ZNF562: variants seen among roughly 807,000 people sequenced by gnomAD.
ZNF562 encodes zinc finger protein 562.
ZNF562 carries 13 observed loss-of-function variants against 17.5 expected under a neutral mutation model. That is an observed-to-expected ratio of 0.74 (90% CI 0.48 to 1.18). The LOEUF (loss-of-function observed/expected upper bound fraction) is 1.18. Among genes scored for constraint, ZNF562 ranks in the 50% most tolerant of loss-of-function variants. ZNF562 has a pLI of 0.00. For synonymous variants in ZNF562, 163 were observed against 165.4 expected (o/e 0.99, Z 0.11); for missense variants, 481 against 498.5 (o/e 0.96, Z 0.33).
At chr19:9,665,978 C>T (rs1202831679) in intron 1 of ZNF562, among the ~76,000 whole-genome samples, 1 of 150,510 alleles carries the variant, frequency 6.6e-6, no homozygotes, top group Non-Finnish European at 1.5e-5. Context: ...CACTGCACTC[C>T]AGGCTAGGTG....
chr19:9,671,835 G>A (rs1599329177), intron 1 of ZNF562, among the ~76,000 whole-genome samples: 1 of 152,338 alleles, frequency 6.6e-6, no homozygotes, highest in East Asian at 1.9e-4. Flanking sequence ...TTGAGAAACA[G>A]GTTGTGGTTT....
Position 9,652,912 on chromosome 19 carries a change from T to A in ZNF562, c.*37A>T, listed in dbSNP as rs764916217. ...CTCTGGTAGGAGTTCACAGGTGGGG[T>A]GAGGAATACAGAAATTCTTTCCCAC... On this transcript the variant is annotated 3_prime_UTR_variant, in exon 6 of 6. Coordinates refer to ENST00000453372, the MANE Select transcript of ZNF562 (RefSeq NM_001130031.2). The A allele has an allele frequency of 6.8e-7, 1 of 1,465,750 alleles. No homozygotes were observed. The highest frequency in any genetic ancestry group is 1.6e-5 in the South Asian group (1 of 61,288). The allele number at this position is 1,465,750 out of a possible 1,614,324, so 90.8% of individuals were successfully genotyped here.
At chr19:9,669,768 ACACACAC>A (rs1568282213) in intron 1 of ZNF562, among the ~76,000 whole-genome samples, 2 of 151,306 alleles carry the variant, frequency 1.3e-5, no homozygotes, top group Non-Finnish European at 3.0e-5. Flanking sequence ...ACACACACAC[ACACACAC>A]AACCAGTCAG....
chr19:9,662,082 A>C (rs2043769869), intron 1 of ZNF562, among the ~76,000 whole-genome samples: 1 of 152,030 alleles, frequency 6.6e-6, no homozygotes, highest in Admixed American at 6.6e-5. Context: ...ATTAATACTG[A>C]AAAAAACCTA....
intron 1 of ZNF562, among the ~76,000 whole-genome samples, chr19:9,672,522 C>A (rs1255403911): frequency 6.6e-6 from 1 of 151,964 alleles, no homozygotes; most frequent in African/African-American, 2.4e-5. Flanking sequence ...TCCTTAGGAT[C>A]AAATTTTTCA....
rs2074791138 is a variant in ZNF562 at position 9,644,109 on chromosome 19, G to A, written c.*8840C>T. 6.6e-6 allele frequency: 1 copy of A among 151,784 alleles called. No homozygotes were observed. The highest frequency in any genetic ancestry group is 2.4e-5 in the African/African-American group (1 of 41,352). The allele number at this position is 151,784 out of a possible 1,614,324, so 9.4% of individuals were successfully genotyped here. On this transcript the variant is annotated 3_prime_UTR_variant, in exon 6 of 6. Transcript: ENST00000453372. ...CGTACCTGGCTTACTTAGTGAATTT[G>A]TACCAATATTCATTACCAATATAAT...
At chr19:9,672,777 CTTTTT>C (rs869261585) in intron 1 of ZNF562, among the ~76,000 whole-genome samples, 3 of 112,236 alleles carry the variant, frequency 2.7e-5, no homozygotes, top group Non-Finnish European at 5.5e-5. Context: ...TATTGCCTTT[CTTTTT>C]TTTTTTTTTT....
intron 1 of ZNF562, among the ~76,000 whole-genome samples, chr19:9,662,878 A>C (rs549644907): frequency 2.6e-4 from 40 of 151,344 alleles, no homozygotes; most frequent in Non-Finnish European, 5.5e-4. Flanking sequence ...AACCTTAGCC[A>C]CTCATGGATG....
Position 9,651,111 on chromosome 19 carries a change from TAAAAAC to T in ZNF562, c.*1832_*1837del, listed in dbSNP as rs1430074150. The stretch of plus-strand genomic sequence containing the variant: ...GTACTGAGAAGTGAGGTACTGCAAT[TAAAAAC>T]AAACAAAAAAACTAAAAATGTGAAG... On this transcript the variant is annotated 3_prime_UTR_variant, in exon 6 of 6. Transcript: ENST00000453372. 1 of 151,952 alleles carries T rather than the reference TAAAAAC, an allele frequency of 6.6e-6. No homozygotes were observed. Among genetic ancestry groups the T allele is most frequent in the Non-Finnish European group, 1.5e-5 (1 of 67,982 alleles). The allele number at this position is 151,952 out of a possible 1,614,324, so 9.4% of individuals were successfully genotyped here. A position where few individuals can be genotyped will look rare whatever the true frequency, so the allele number is the denominator to read the frequency against.
rs1396961391 is a variant in ZNF562 at position 9,650,202 on chromosome 19, C to G, written c.*2747G>C. 4 of 151,866 alleles carry G rather than the reference C, an allele frequency of 2.6e-5. No homozygotes were observed. Among genetic ancestry groups the G allele is most frequent in the African/African-American group, 9.7e-5 (4 of 41,316 alleles). The allele number at this position is 151,866 out of a possible 1,614,324, so 9.4% of individuals were successfully genotyped here. A position where few individuals can be genotyped will look rare whatever the true frequency, so the allele number is the denominator to read the frequency against. On this transcript the variant is annotated 3_prime_UTR_variant, in exon 6 of 6. Transcript: ENST00000453372. Reference sequence around the variant, plus strand: ...TGTTGTGCAGCGGGTTAAAATCAGTCCAGTAAAGCAAGAAAATATTTAGAG... The same window carrying G: ...TGTTGTGCAGCGGGTTAAAATCAGTGCAGTAAAGCAAGAAAATATTTAGAG...
At position 9,647,693 on chromosome 19, in the gene ZNF562, A is replaced by T. The variant is rs2074818032; in HGVS notation, c.*5256T>A. 6.6e-6 allele frequency: 1 copy of T among 152,150 alleles called. No individual in the cohort carries two copies. The highest frequency in any genetic ancestry group is 2.4e-5 in the African/African-American group (1 of 41,440). The allele number at this position is 152,150 out of a possible 1,614,324, so 9.4% of individuals were successfully genotyped here. On this transcript the variant is annotated 3_prime_UTR_variant, in exon 6 of 6. Transcript: ENST00000453372. ...CTTGATGAAACCGTCTCTACTAAAA[A>T]TACAAAAATCAGCCAGGCAAGGTGG... is the stretch of plus-strand genomic sequence containing the variant.
chr19:9,657,236 T>A (rs1409816578), intron 4 of ZNF562, among the ~76,000 whole-genome samples: 1 of 150,926 alleles, frequency 6.6e-6, no homozygotes, highest in Non-Finnish European at 1.5e-5. Flanking sequence ...AAGATCAGGA[T>A]AAAGAGCATA....
chr19:9,658,597 A>C (rs1225937040), intron 3 of ZNF562, among the ~76,000 whole-genome samples: 1 of 152,098 alleles, frequency 6.6e-6, no homozygotes, highest in Non-Finnish European at 1.5e-5. Flanking sequence ...TGATCGGCCC[A>C]CCTCAGCCTC....
intron 1 of ZNF562, among the ~76,000 whole-genome samples, chr19:9,671,737 G>A (rs558547968): frequency 2.0e-4 from 30 of 152,304 alleles, no homozygotes; most frequent in Admixed American, 4.6e-4. Context: ...GGAAGCCTCC[G>A]GCATGCACCA....
At chr19:9,659,728 G>A (rs2043649816) in intron 2 of ZNF562, among the ~76,000 whole-genome samples, 1 of 151,632 alleles carries the variant, frequency 6.6e-6, no homozygotes, top group Admixed American at 6.6e-5. Flanking sequence ...GTGACTATCT[G>A]CCCATAGTAG....
intron 1 of ZNF562, among the ~76,000 whole-genome samples, chr19:9,665,653 C>A (rs781337480): frequency 1.3e-5 from 2 of 152,182 alleles, no homozygotes; most frequent in Admixed American, 6.5e-5. Context: ...CTCCCCAATT[C>A]TGGATGGGCA....
chr19:9,659,776 C>A (rs992718897), intron 2 of ZNF562, among the ~76,000 whole-genome samples: 1 of 151,446 alleles, frequency 6.6e-6, no homozygotes, highest in Non-Finnish European at 1.5e-5. Flanking sequence ...TCCAAAGGCA[C>A]ACAAACCAGG....
Position 9,649,444 on chromosome 19 carries a change from C to T in ZNF562, c.*3505G>A, listed in dbSNP as rs1302552086. 6.6e-6 allele frequency: 1 copy of T among 152,202 alleles called. No homozygotes were observed. The highest frequency in any genetic ancestry group is 1.5e-5 in the Non-Finnish European group (1 of 68,030). The allele number at this position is 152,202 out of a possible 1,614,324, so 9.4% of individuals were successfully genotyped here. On this transcript the variant is annotated 3_prime_UTR_variant, in exon 6 of 6. Coordinates refer to ENST00000453372, the MANE Select transcript of ZNF562 (RefSeq NM_001130031.2). ...GGTGGAACAAAGCCACATTTCTCTT[C>T]TTTCACAAGCAAATGGGAGAAATAT...
At chr19:9,656,873 T>A (rs578248699) in intron 4 of ZNF562, among the ~76,000 whole-genome samples, 143 of 126,882 alleles carry the variant, frequency 1.1e-3, no homozygotes, top group Admixed American at 3.2e-3. Context: ...AATACAAAAA[T>A]ATATATATAT....
Sources: gnomAD v4.1 joint callset for allele counts (sites outside exome capture counted in the v4.1 genomes callset) on GRCh38, gnomAD v4.1.1 for gene constraint, MANE v1.5 for transcripts, NCBI Gene and HGNC (gene_info 2026-07-23, HGNC 2026-07-21) for gene names.